Variants in SHMT1 observed in about 807,000 individuals in gnomAD.
SHMT1 encodes serine hydroxymethyltransferase, cytosolic.
SHMT1 carries 45 observed loss-of-function variants against 49.0 expected under a neutral mutation model. The ratio of observed to expected loss-of-function variants is 0.92; its 90% CI spans 0.72 to 1.18. The LOEUF (loss-of-function observed/expected upper bound fraction) is 1.18, where lower values mean the gene tolerates loss of function less well. SHMT1 is among the 50% of genes most tolerant of loss of function. The pLI, the probability that SHMT1 is intolerant of heterozygous loss-of-function variation, is 0.00. For synonymous variants in SHMT1, 232 were observed against 246.6 expected (o/e 0.94, Z 0.55); for missense variants, 541 against 612.4 (o/e 0.88, Z 1.23).
At chr17:18,336,050 G>A (rs1009534429) in intron 7 of SHMT1, among the ~76,000 whole-genome samples, 5 of 151,202 alleles carry the variant, frequency 3.3e-5, no homozygotes, top group South Asian at 2.1e-4. Flanking sequence ...AGGCCAAGGC[G>A]GGCGGATCAC....
chr17:18,344,606 G>A (rs1310423674), intron 5 of SHMT1, among the ~76,000 whole-genome samples: 1 of 136,084 alleles, frequency 7.3e-6, no homozygotes, highest in Non-Finnish European at 1.5e-5. Context: ...AAAAGCCTGT[G>A]CTGCTTTCTC....
At chr17:18,342,591 G>C (rs1473385870) in intron 5 of SHMT1, among the ~76,000 whole-genome samples, 1 of 151,940 alleles carries the variant, frequency 6.6e-6, no homozygotes, top group Non-Finnish European at 1.5e-5. Flanking sequence ...TGAGATTATA[G>C]GTGTGAGCCA....
In SHMT1 at chr17:18,337,619, C is replaced by T. The variant is rs902215821; in HGVS notation, c.815-1944G>A. On this transcript the variant is annotated intron_variant, in intron 7 of 11. Transcript: ENST00000316694. ...CCTTTCCACGGTCTCCCTCTGATGCCGAGCCGAAGCTGGACTGTACTGCCG... is the reference window on the plus strand; with the variant it reads ...CCTTTCCACGGTCTCCCTCTGATGCTGAGCCGAAGCTGGACTGTACTGCCG... Among the ~76,000 whole-genome samples the T allele has an allele frequency of 3.4e-5, 5 of 146,452 alleles. No individual in the cohort carries two copies. In the East Asian group the frequency reaches 6.7e-4, roughly 19 times the overall value.
chr17:18,332,769 T>A (rs1224558388), intron 9 of SHMT1: 1 of 321,606 alleles, frequency 3.1e-6, no homozygotes, highest in Non-Finnish European at 6.2e-6. Flanking sequence ...CACCCCCAGC[T>A]CAGCGGGGTG....
intron 2 of SHMT1, among the ~76,000 whole-genome samples, 158 bp from the exon 3 acceptor site, chr17:18,353,975 C>A (rs1474707644): frequency 6.6e-6 from 1 of 152,196 alleles, no homozygotes; most frequent in South Asian, 2.1e-4. Flanking sequence ...AAGCACTAAT[C>A]AATGAATTAA....
chr17:18,358,251 G>A (rs1420964606), intron 1 of SHMT1, among the ~76,000 whole-genome samples: 1 of 151,694 alleles, frequency 6.6e-6, no homozygotes, highest in Admixed American at 6.6e-5. Flanking sequence ...CAGTACTTTG[G>A]GAGGCCGAGG....
At chr17:18,330,784 G>T in intron 9 of SHMT1, 113 bp from the exon 10 acceptor site, 1 of 750,886 alleles carries the variant, frequency 1.3e-6, no homozygotes, top group Non-Finnish European at 2.4e-6. Flanking sequence ...TCAGGAAGGT[G>T]AGCACCCCCA....
chr17:18,362,477 T>A (rs1180196977), intron 1 of SHMT1, among the ~76,000 whole-genome samples: 1 of 152,082 alleles, frequency 6.6e-6, no homozygotes, highest in African/African-American at 2.4e-5. Context: ...TGTGCCACCA[T>A]GGGCAGCCAG....
chr17:18,339,791 A>G (rs1042299997), intron 7 of SHMT1, among the ~76,000 whole-genome samples: 1 of 152,008 alleles, frequency 6.6e-6, no homozygotes, highest in Non-Finnish European at 1.5e-5. Context: ...TGATCTCCTG[A>G]CCTCGTGATC....
At position 18,348,599 on chromosome 17, in the gene SHMT1, G is replaced by C. The variant is rs1036384781; in HGVS notation, c.243-159C>G. 4.1e-6 allele frequency: 3 copies of C among 736,148 alleles called. No homozygotes were observed. The African/African-American group carries it at 5.1e-5, about 13-fold the overall frequency. 45.6% of individuals were successfully genotyped at this position (736,148 alleles called of 1,614,324 possible). On this transcript the variant is annotated intron_variant, in intron 3 of 11. Transcript: ENST00000316694. ...CAGATGCTGAAGCCAGCATGATCAAGTGTTCCACCAATGCCTCTGGAATCT... is the reference window on the plus strand; with the variant it reads ...CAGATGCTGAAGCCAGCATGATCAACTGTTCCACCAATGCCTCTGGAATCT...
intron 3 of SHMT1, among the ~76,000 whole-genome samples, chr17:18,349,212 G>T (rs1041861446): frequency 1.3e-5 from 2 of 152,082 alleles, no homozygotes; most frequent in Non-Finnish European, 2.9e-5. Context: ...CTGAGGTCAG[G>T]AGTTCCAGAC....
chr17:18,339,599 C>T (rs1351361400), intron 7 of SHMT1, among the ~76,000 whole-genome samples: 2 of 151,386 alleles, frequency 1.3e-5, no homozygotes, highest in African/African-American at 4.9e-5. Flanking sequence ...CTCGCTCTGT[C>T]GCCCAGGCTG....
chr17:18,347,481 G>A lies in SHMT1; in HGVS notation c.519+15C>T, dbSNP rs776417921. 6.2e-7 allele frequency: 1 copy of A among 1,613,608 alleles called. No homozygotes were observed. The highest frequency in any genetic ancestry group is 8.5e-7 in the Non-Finnish European group (1 of 1,179,886). On this transcript the variant is annotated intron_variant, in intron 5 of 11. Coordinates refer to ENST00000316694, the MANE Select transcript of SHMT1 (RefSeq NM_004169.5). ...TCCCAAGGAAATAAAAGCTAGGAGA[G>A]AAACACATGCTTACCTTGTAGGGCA...
chr17:18,358,171 T>C lies in SHMT1; in HGVS notation c.-19-2171A>G, dbSNP rs1598070556. 1.2e-4 allele frequency among the ~76,000 whole-genome samples: 15 copies of C among 129,386 alleles called. No individual in the cohort carries two copies. The South Asian group carries it at 3.9e-3, about 33-fold the overall frequency. 84.9% of individuals were successfully genotyped at this position (129,386 alleles called of 152,430 possible). A position where few individuals can be genotyped will look rare whatever the true frequency, so the allele number is the denominator to read the frequency against. On this transcript the variant is annotated intron_variant, in intron 1 of 11. Transcript: ENST00000316694. ...CTCTTAAAAAAAAAAAAAAAAGAAC[T>C]AAAGAAAGAAAAACGACGTTAGAAA...
chr17:18,350,892 C>T (rs535804281), intron 3 of SHMT1, among the ~76,000 whole-genome samples: 1 of 151,774 alleles, frequency 6.6e-6, no homozygotes, highest in South Asian at 2.1e-4. Context: ...ACCTCCACAC[C>T]CAGCTAATTT....
chr17:18,337,547 T>G (rs913527553), intron 7 of SHMT1, among the ~76,000 whole-genome samples: 7 of 149,520 alleles, frequency 4.7e-5, no homozygotes, highest in Non-Finnish European at 1.0e-4. Context: ...AACAGCCCTC[T>G]CCCTCTCCCT....
rs1469977068 is a variant in SHMT1 at position 18,330,303 on chromosome 17, T to C, written c.1171+252A>G. On this transcript the variant is annotated intron_variant, in intron 10 of 11. Coordinates refer to ENST00000316694, the MANE Select transcript of SHMT1 (RefSeq NM_004169.5). ...GGCATGCACCACCATGCCCAGCTAA[T>C]TCTTCTATTTTTAGTAGAGACAGGA... is the stretch of plus-strand genomic sequence containing the variant. Among the ~76,000 whole-genome samples, 4 of 152,056 alleles carry C rather than the reference T, an allele frequency of 2.6e-5. No homozygotes were observed. In the East Asian group the frequency reaches 7.7e-4, roughly 29 times the overall value.
At chr17:18,331,246 A>ACG in intron 9 of SHMT1, 1 of 216,314 alleles carries the variant, frequency 4.6e-6, no homozygotes, top group Non-Finnish European at 9.4e-6. Flanking sequence ...AAGCTGGGGT[A>ACG]GTGCCTTGGG....
At chr17:18,330,862 A>G (rs1005611408) in intron 9 of SHMT1, 191 bp from the exon 10 acceptor site, 1 of 642,142 alleles carries the variant, frequency 1.6e-6, no homozygotes, top group Non-Finnish European at 2.9e-6. Flanking sequence ...GGAAGGACAG[A>G]GCACTTTTGA....
Sources: gnomAD v4.1 joint callset for allele counts (sites outside exome capture counted in the v4.1 genomes callset) on GRCh38, gnomAD v4.1.1 for gene constraint, MANE v1.5 for transcripts, NCBI Gene and HGNC (gene_info 2026-07-23, HGNC 2026-07-21) for gene names.